CNTNAP2: variants seen among roughly 807,000 people sequenced by gnomAD.
CNTNAP2 encodes contactin-associated protein-like 2.
In CNTNAP2, 98 loss-of-function variants were observed where a neutral mutation model predicts 155.2. The ratio of observed to expected loss-of-function variants is 0.63; its 90% CI spans 0.54 to 0.75. The LOEUF (loss-of-function observed/expected upper bound fraction) is 0.75. CNTNAP2 is among the 30% of genes least tolerant of loss of function. The pLI, the probability that CNTNAP2 is intolerant of heterozygous loss-of-function variation, is 0.00. For missense variants in CNTNAP2, 1,727 were observed against 1,688.1 expected, an observed-to-expected ratio of 1.02 and a Z score of -0.40; for synonymous variants, 651 against 631.2, an observed-to-expected ratio of 1.03 and a Z score of -0.47.
chr7:148,023,531 C>A (rs192798385), intron 15 of CNTNAP2, among the ~76,000 whole-genome samples: 44 of 152,148 alleles, frequency 2.9e-4, no homozygotes, highest in Non-Finnish European at 5.9e-4. Flanking sequence ...TGCCAATAGC[C>A]CTGTAGGTGA....
chr7:146,826,996 C>T (rs1465709058), intron 2 of CNTNAP2, among the ~76,000 whole-genome samples: 1 of 151,770 alleles, frequency 6.6e-6, no homozygotes, highest in African/African-American at 2.4e-5. Context: ...ATGAGAACCA[C>T]TAACATGATT....
chr7:147,970,752 T>G (rs932069066), intron 14 of CNTNAP2, among the ~76,000 whole-genome samples: 6 of 152,224 alleles, frequency 3.9e-5, no homozygotes, highest in African/African-American at 1.4e-4. Flanking sequence ...AATTTTATTG[T>G]TAAGCTTGTC....
At chr7:147,065,506 C>T (rs1373710735) in intron 4 of CNTNAP2, among the ~76,000 whole-genome samples, 1 of 152,126 alleles carries the variant, frequency 6.6e-6, no homozygotes, top group Admixed American at 6.5e-5. Flanking sequence ...AGGTAAACAA[C>T]ATTAGGAGTG....
chr7:147,461,885 G>C (rs569786422), intron 10 of CNTNAP2, among the ~76,000 whole-genome samples: 2 of 152,286 alleles, frequency 1.3e-5, no homozygotes, highest in East Asian at 3.9e-4. Flanking sequence ...AGTGAATGTA[G>C]AGTTAACTTA....
intron 21 of CNTNAP2, among the ~76,000 whole-genome samples, chr7:148,369,346 G>A (rs1798846348): frequency 6.6e-6 from 1 of 151,884 alleles, no homozygotes; most frequent in South Asian, 2.1e-4. Context: ...TTACAGGGGT[G>A]TGCCACTACA....
chr7:148,007,639 A>G (rs1441415785), intron 15 of CNTNAP2, among the ~76,000 whole-genome samples: 1 of 152,172 alleles, frequency 6.6e-6, no homozygotes, highest in Non-Finnish European at 1.5e-5. Context: ...CTTGTGCTGT[A>G]TGGTTTATTA....
chr7:147,195,290 T>TGGTACC (rs1349486709), intron 8 of CNTNAP2, among the ~76,000 whole-genome samples: 7 of 152,316 alleles, frequency 4.6e-5, no homozygotes, highest in Admixed American at 4.6e-4. Context: ...ATGTCTGTTT[T>TGGTACC]GGTACCAGTA....
intron 13 of CNTNAP2, among the ~76,000 whole-genome samples, chr7:147,851,943 AT>A (rs1798951095): frequency 6.6e-6 from 1 of 152,054 alleles, no homozygotes; most frequent in African/African-American, 2.4e-5. Flanking sequence ...TATTTTTCTG[AT>A]TTGTTTAAAA....
chr7:146,761,058 G>A (rs1033630500), intron 1 of CNTNAP2, among the ~76,000 whole-genome samples: 2 of 152,016 alleles, frequency 1.3e-5, no homozygotes, highest in African/African-American at 2.4e-5. Flanking sequence ...GTTTGCCCTC[G>A]GCATTCCTTT....
At chr7:147,395,059 TA>T (rs905118367) in intron 9 of CNTNAP2, among the ~76,000 whole-genome samples, 7 of 151,726 alleles carry the variant, frequency 4.6e-5, no homozygotes, top group African/African-American at 7.3e-5. Flanking sequence ...TTTTATAAAT[TA>T]AAAAAAGGCA....
intron 8 of CNTNAP2, among the ~76,000 whole-genome samples, chr7:147,299,828 T>C (rs1794907635): frequency 6.6e-6 from 1 of 152,212 alleles, no homozygotes; most frequent in African/African-American, 2.4e-5. Context: ...ACGCCTGTAA[T>C]CCCAGCACTT....
chr7:146,377,267 C>T (rs17170073), intron 1 of CNTNAP2, among the ~76,000 whole-genome samples: 13,646 of 152,076 alleles, frequency 0.09, 950 homozygotes, highest in African/African-American at 0.19. Flanking sequence ...GGAGGATTTT[C>T]GCCTATAAAA....
chr7:147,528,098 G>A (rs185471923), intron 11 of CNTNAP2, among the ~76,000 whole-genome samples: 9 of 152,280 alleles, frequency 5.9e-5, no homozygotes, highest in African/African-American at 1.9e-4. Context: ...ACACTTCCAG[G>A]TTGCACCTAT....
chr7:147,563,579 A>G, intron 12 of CNTNAP2, among the ~76,000 whole-genome samples: 1 of 152,050 alleles, frequency 6.6e-6, no homozygotes, highest in East Asian at 1.9e-4. Flanking sequence ...TAGTGAGCCG[A>G]GATCAAGCCA....
intron 3 of CNTNAP2, among the ~76,000 whole-genome samples, chr7:147,015,981 A>G (rs1202023837): frequency 2.0e-5 from 3 of 152,030 alleles, no homozygotes; most frequent in Non-Finnish European, 4.4e-5. Flanking sequence ...TATGAAGTAT[A>G]TCGTGTGGCA....
chr7:147,819,179 A>C (rs1226093453), intron 13 of CNTNAP2, among the ~76,000 whole-genome samples: 1 of 152,182 alleles, frequency 6.6e-6, no homozygotes, highest in Non-Finnish European at 1.5e-5. Context: ...GAAAGGCATA[A>C]ACCTCGTTAG....
At chr7:147,609,437 G>A (rs143679594) in intron 12 of CNTNAP2, among the ~76,000 whole-genome samples, 1,647 of 152,130 alleles carry the variant, frequency 0.011, 28 homozygotes, top group African/African-American at 0.037. Flanking sequence ...AGGCTGAGGC[G>A]GGAGAATGGT....
chr7:147,651,217 A>G (rs1000485657), intron 13 of CNTNAP2, among the ~76,000 whole-genome samples: 14 of 152,190 alleles, frequency 9.2e-5, no homozygotes, highest in African/African-American at 3.4e-4. Context: ...CAGGAAGGAA[A>G]GGCTGGAACT....
chr7:147,174,573 C>G (rs1388310698), intron 8 of CNTNAP2, among the ~76,000 whole-genome samples: 1 of 152,090 alleles, frequency 6.6e-6, no homozygotes, highest in Non-Finnish European at 1.5e-5. Flanking sequence ...CTTAGAAACT[C>G]TATAAAATAT....
Sources: allele counts gnomAD v4.1 joint callset (sites outside exome capture counted in the v4.1 genomes callset), GRCh38; gene constraint gnomAD v4.1.1; transcripts MANE v1.5; gene names NCBI Gene and HGNC (gene_info 2026-07-23, HGNC 2026-07-21).